Variants in RIMS2 observed in about 807,000 individuals in gnomAD.
The protein encoded by RIMS2 is regulating synaptic membrane exocytosis protein 2.
RIMS2 carries 59 observed loss-of-function variants against 174.4 expected under a neutral mutation model. The observed-to-expected ratio is 0.34, with a 90% CI of 0.27 to 0.42. The LOEUF is 0.42. RIMS2 is among the 10% of genes least tolerant of loss of function. The pLI is 1.00. For missense variants in RIMS2, 1,620 were observed against 1,666.3 expected (o/e 0.97, Z 0.48); for synonymous variants, 606 against 572.5 (o/e 1.06, Z -0.84).
At chr8:104,194,915 A>G (rs945366861) in intron 19 of RIMS2, among the ~76,000 whole-genome samples, 1 of 152,186 alleles carries the variant, frequency 6.6e-6, no homozygotes, top group Admixed American at 6.5e-5. Flanking sequence ...ATGCAAGACA[A>G]CTCACATAAT....
chr8:103,977,331 T>A (rs1226007254), intron 16 of RIMS2: 1 of 152,220 alleles, frequency 6.6e-6, no homozygotes, highest in Admixed American at 6.5e-5. Context: ...TTAAAAGTAC[T>A]TAAATGTGAT....
chr8:104,111,196 T>C (rs10505054), intron 19 of RIMS2, among the ~76,000 whole-genome samples: 35,682 of 152,032 alleles, frequency 0.23, 4,489 homozygotes, highest in African/African-American at 0.33. Flanking sequence ...GAATACAAGA[T>C]GAGATTTATC....
chr8:103,882,561 C>G (rs1055623197), intron 3 of RIMS2, among the ~76,000 whole-genome samples: 4 of 151,448 alleles, frequency 2.6e-5, no homozygotes, highest in African/African-American at 7.3e-5. Flanking sequence ...TCCCAATTTC[C>G]GATTATAACC....
intron 10 of RIMS2, among the ~76,000 whole-genome samples, chr8:103,926,583 C>T (rs928252774): frequency 6.6e-6 from 1 of 151,476 alleles, no homozygotes; most frequent in Non-Finnish European, 1.5e-5. Context: ...CTGTTCAATG[C>T]CAACTGAATT....
chr8:103,962,593 A>G (rs2154545804), intron 15 of RIMS2, among the ~76,000 whole-genome samples: 1 of 152,250 alleles, frequency 6.6e-6, no homozygotes, highest in Non-Finnish European at 1.5e-5. Context: ...TTTTCGTAAT[A>G]TACTACACTT....
At chr8:104,000,280 A>G (rs992113760) in intron 17 of RIMS2, among the ~76,000 whole-genome samples, 1 of 151,710 alleles carries the variant, frequency 6.6e-6, no homozygotes, top group Admixed American at 6.6e-5. Flanking sequence ...TAGCTCCCAT[A>G]TATGAGTGGA....
intron 1 of RIMS2, among the ~76,000 whole-genome samples, chr8:103,528,824 C>A (rs1310493356): frequency 3.9e-5 from 6 of 152,018 alleles, no homozygotes; most frequent in South Asian, 2.1e-4. Flanking sequence ...GTCAGGTAGC[C>A]TGATGCCTCC....
chr8:104,120,335 A>G (rs1027535450), intron 19 of RIMS2, among the ~76,000 whole-genome samples: 3 of 152,214 alleles, frequency 2.0e-5, no homozygotes, highest in African/African-American at 7.2e-5. Context: ...ATTGAATTAT[A>G]TTATTATTTG....
At chr8:103,949,659 A>G (rs2084835608) in intron 14 of RIMS2, among the ~76,000 whole-genome samples, 1 of 152,216 alleles carries the variant, frequency 6.6e-6, no homozygotes, top group Non-Finnish European at 1.5e-5. Context: ...GGAAATGTAT[A>G]GCATTAAAGA....
intron 19 of RIMS2, among the ~76,000 whole-genome samples, chr8:104,082,055 A>AT (rs1437385341): frequency 5.3e-5 from 8 of 151,864 alleles, no homozygotes; most frequent in Non-Finnish European, 8.8e-5. Flanking sequence ...TACCTCGGGT[A>AT]TTGCTGAAGC....
At chr8:103,726,484 G>A (rs1266473200) in intron 2 of RIMS2, among the ~76,000 whole-genome samples, 1 of 151,822 alleles carries the variant, frequency 6.6e-6, no homozygotes, top group African/African-American at 2.4e-5. Context: ...ATATTCCCTT[G>A]CTATACTTTT....
intron 19 of RIMS2, among the ~76,000 whole-genome samples, chr8:104,166,325 C>T (rs1225556195): frequency 6.6e-6 from 1 of 152,022 alleles, no homozygotes; most frequent in East Asian, 1.9e-4. Flanking sequence ...CTCTGCCTCC[C>T]AAAGTGCTGG....
At chr8:104,136,109 CAATATACA>C (rs1234397673) in intron 19 of RIMS2, among the ~76,000 whole-genome samples, 3 of 152,182 alleles carry the variant, frequency 2.0e-5, no homozygotes, top group Non-Finnish European at 4.4e-5. Flanking sequence ...TCTGTCTACT[CAATATACA>C]AATCATCCAT....
intron 1 of RIMS2, among the ~76,000 whole-genome samples, chr8:103,517,933 A>AT (rs1829795190): frequency 6.7e-6 from 1 of 149,908 alleles, no homozygotes. Flanking sequence ...AAAAAAAAAA[A>AT]TTGCAAAAAA....
chr8:103,848,954 T>C (rs547708723), intron 3 of RIMS2, among the ~76,000 whole-genome samples: 12 of 152,220 alleles, frequency 7.9e-5, no homozygotes, highest in African/African-American at 2.6e-4. Context: ...CTTTGATTTA[T>C]ATTAGTGGAT....
chr8:104,095,260 C>G (rs1383897456), intron 19 of RIMS2, among the ~76,000 whole-genome samples: 1 of 152,112 alleles, frequency 6.6e-6, no homozygotes, highest in African/African-American at 2.4e-5. Context: ...GCTCTGGTTC[C>G]CTTGCTTCTT....
At chr8:104,103,557 C>T (rs1292048237) in intron 19 of RIMS2, among the ~76,000 whole-genome samples, 3 of 152,028 alleles carry the variant, frequency 2.0e-5, no homozygotes, top group African/African-American at 7.2e-5. Context: ...TCTAATACTC[C>T]TTCTGAGCCA....
At chr8:104,174,015 C>T (rs1279007997) in intron 19 of RIMS2, among the ~76,000 whole-genome samples, 1 of 151,592 alleles carries the variant, frequency 6.6e-6, no homozygotes, top group Non-Finnish European at 1.5e-5. Flanking sequence ...GGCATGATCT[C>T]GGCCCACTGC....
At chr8:104,234,086 G>A (rs1240082266) in intron 19 of RIMS2, among the ~76,000 whole-genome samples, 2 of 152,088 alleles carry the variant, frequency 1.3e-5, no homozygotes, top group Non-Finnish European at 2.9e-5. Context: ...GCAGATTATA[G>A]GATCTGATTC....
Sources: gnomAD v4.1 joint callset for allele counts (sites outside exome capture counted in the v4.1 genomes callset) on GRCh38, gnomAD v4.1.1 for gene constraint, MANE v1.5 for transcripts, NCBI Gene and HGNC (gene_info 2026-07-23, HGNC 2026-07-21) for gene names.